TSPAN5: variants seen among roughly 807,000 people sequenced by gnomAD.
TSPAN5 encodes tetraspanin-5.
A neutral mutation model predicts 37.1 loss-of-function variants in TSPAN5; 10 were observed. That is an observed-to-expected ratio of 0.27 (90% CI 0.17 to 0.46). TSPAN5 has a LOEUF of 0.46. Among genes scored for constraint, TSPAN5 ranks in the 20% least tolerant of loss-of-function variants. The probability of loss-of-function intolerance (pLI) is 1.00; values close to 1 mark genes in which losing one functional copy is unlikely to be tolerated. For synonymous variants in TSPAN5, 110 were observed against 118.9 expected, an observed-to-expected ratio of 0.93 and a Z score of 0.48; for missense variants, 195 against 326.6, an observed-to-expected ratio of 0.60 and a Z score of 3.11.
chr4:98,560,954 A>T (rs1433079639), intron 1 of TSPAN5, among the ~76,000 whole-genome samples: 1 of 152,214 alleles, frequency 6.6e-6, no homozygotes, highest in African/African-American at 2.4e-5. Flanking sequence ...AACTAACGAT[A>T]ACACAGTTTG....
intron 1 of TSPAN5, among the ~76,000 whole-genome samples, chr4:98,631,033 A>G (rs1169943627): frequency 6.6e-6 from 1 of 152,222 alleles, no homozygotes; most frequent in Non-Finnish European, 1.5e-5. Context: ...TCTGCTTGGC[A>G]AAGAACACAA....
chr4:98,540,540 G>A (rs1471981823), intron 1 of TSPAN5, among the ~76,000 whole-genome samples: 1 of 152,162 alleles, frequency 6.6e-6, no homozygotes, highest in East Asian at 1.9e-4. Context: ...GTTTCGCCAT[G>A]TTGGCCAGGC....
Position 98,471,207 on chromosome 4 carries a change from ATT to A in TSPAN5, c.*1313_*1314del, listed in dbSNP as rs1334540253. The A allele has an allele frequency of 6.6e-6, 1 of 152,176 alleles. No individual in the cohort carries two copies. The allele number at this position is 152,176 out of a possible 1,614,324, so 9.4% of individuals were successfully genotyped here. On this transcript the variant is annotated 3_prime_UTR_variant, in exon 8 of 8. Transcript: ENST00000305798. ...ACTGAAGGAGCTATGGCCATGCACT[ATT>A]TTCTTTTTTTAATAAAAGCAAACTA...
chr4:98,628,286 A>T (rs891190041), intron 1 of TSPAN5, among the ~76,000 whole-genome samples: 3 of 152,174 alleles, frequency 2.0e-5, no homozygotes, highest in Non-Finnish European at 2.9e-5. Context: ...CAGAAAAAAA[A>T]ATTAACTTAC....
intron 2 of TSPAN5, among the ~76,000 whole-genome samples, chr4:98,500,590 T>C (rs4527483): frequency 0.4 from 60,492 of 152,040 alleles, 12,922 homozygotes; most frequent in African/African-American, 0.54. Context: ...CTCTGTGCCT[T>C]GGTTTCCCCA....
chr4:98,630,754 A>G (rs1381656525), intron 1 of TSPAN5, among the ~76,000 whole-genome samples: 1 of 152,202 alleles, frequency 6.6e-6, no homozygotes, highest in Non-Finnish European at 1.5e-5. Flanking sequence ...CTATTTAGAC[A>G]GCTATTTATT....
chr4:98,533,598 T>TGGG (rs1273990432), intron 1 of TSPAN5, among the ~76,000 whole-genome samples: 1 of 131,256 alleles, frequency 7.6e-6, no homozygotes, highest in African/African-American at 2.9e-5. Flanking sequence ...TCGCCCAGGC[T>TGGG]GGGGTGCAGT....
intron 1 of TSPAN5, among the ~76,000 whole-genome samples, chr4:98,628,520 T>A (rs1198210733): frequency 6.6e-6 from 1 of 152,190 alleles, no homozygotes; most frequent in Non-Finnish European, 1.5e-5. Context: ...TCTCATTTTT[T>A]AAATATGAAG....
chr4:98,485,333 C>G (rs1752936773), intron 3 of TSPAN5: 1 of 151,970 alleles, frequency 6.6e-6, no homozygotes, highest in Non-Finnish European at 1.5e-5. Context: ...AGGTTTCTGA[C>G]TAGGTGAAGA....
chr4:98,549,035 T>C (rs1754539778), intron 1 of TSPAN5, among the ~76,000 whole-genome samples: 1 of 152,136 alleles, frequency 6.6e-6, no homozygotes. Flanking sequence ...TGTTTTTAAA[T>C]ATAATAATTC....
At chr4:98,628,778 T>G (rs1756667044) in intron 1 of TSPAN5, among the ~76,000 whole-genome samples, 1 of 152,138 alleles carries the variant, frequency 6.6e-6, no homozygotes, top group Non-Finnish European at 1.5e-5. Flanking sequence ...AAACAAAAAT[T>G]ACTACTCAAC....
At chr4:98,559,890 T>G (rs577299871) in intron 1 of TSPAN5, among the ~76,000 whole-genome samples, 50 of 152,346 alleles carry the variant, frequency 3.3e-4, no homozygotes, top group Non-Finnish European at 6.8e-4. Context: ...ATAAATTGAC[T>G]GACTGTATTG....
At chr4:98,594,246 T>C (rs574668508) in intron 1 of TSPAN5, among the ~76,000 whole-genome samples, 7 of 131,360 alleles carry the variant, frequency 5.3e-5, no homozygotes, top group Non-Finnish European at 9.3e-5. Flanking sequence ...TGTTTGTCTG[T>C]TGTTGGTGTA....
rs11308204 is a variant in TSPAN5 at position 98,613,136 on chromosome 4, CTT to C, written c.81+45008_81+45009del. 9.2e-3 allele frequency among the ~76,000 whole-genome samples: 1,323 copies of C among 143,278 alleles called. 12 individuals are homozygous for C. Among genetic ancestry groups the C allele is most frequent in the African/African-American group, 0.022 (868 of 38,800 alleles). 94.0% of individuals were successfully genotyped at this position (143,278 alleles called of 152,430 possible). A position where few individuals can be genotyped will look rare whatever the true frequency, so the allele number is the denominator to read the frequency against. ...AACACATCTGGGTTGAGGGCAAAAC[CTT>C]TTTTTTTTTTTTTTTAATTCCACGG... is the stretch of plus-strand genomic sequence containing the variant. On this transcript the variant is annotated intron_variant, in intron 1 of 7. Coordinates refer to ENST00000305798, the MANE Select transcript of TSPAN5 (RefSeq NM_005723.4).
chr4:98,529,295 G>A (rs551851319), intron 1 of TSPAN5, among the ~76,000 whole-genome samples: 57 of 152,326 alleles, frequency 3.7e-4, no homozygotes, highest in African/African-American at 1.2e-3. Context: ...ATGTGCCCTC[G>A]AAAATCAATG....
Position 98,470,612 on chromosome 4 carries a change from A to G in TSPAN5, c.*1910T>C, listed in dbSNP as rs1752560325. 1.3e-5 allele frequency: 2 copies of G among 152,212 alleles called. No individual in the cohort carries two copies. The highest frequency in any genetic ancestry group is 2.9e-5 in the Non-Finnish European group (2 of 68,052). 9.4% of individuals were successfully genotyped at this position (152,212 alleles called of 1,614,324 possible). A position where few individuals can be genotyped will look rare whatever the true frequency, so the allele number is the denominator to read the frequency against. On this transcript the variant is annotated 3_prime_UTR_variant, in exon 8 of 8. Coordinates refer to ENST00000305798, the MANE Select transcript of TSPAN5 (RefSeq NM_005723.4). Reference sequence around the variant, plus strand: ...ACTGGAGAGAGCTCGTGTCTTCTCCATGTTGGAAGGACATTACAAAATGGC... The same window carrying G: ...ACTGGAGAGAGCTCGTGTCTTCTCCGTGTTGGAAGGACATTACAAAATGGC...
Position 98,472,207 on chromosome 4 carries a change from T to G in TSPAN5, c.*315A>C. The G allele has an allele frequency of 4.1e-6, 1 of 245,272 alleles. No homozygotes were observed. The highest frequency in any genetic ancestry group is 7.8e-6 in the Non-Finnish European group (1 of 128,552). The allele number at this position is 245,272 out of a possible 1,614,324, so 15.2% of individuals were successfully genotyped here. A position where few individuals can be genotyped will look rare whatever the true frequency, so the allele number is the denominator to read the frequency against. On this transcript the variant is annotated 3_prime_UTR_variant, in exon 8 of 8. Transcript: ENST00000305798. ...ACGGAAGATGAGGACAAGAATGTAT[T>G]TTCTGCACATTCAAGTACATCTGGG...
intron 1 of TSPAN5, among the ~76,000 whole-genome samples, chr4:98,648,579 T>C (rs1757117624): frequency 6.6e-6 from 1 of 152,244 alleles, no homozygotes; most frequent in Admixed American, 6.5e-5. Context: ...ATTTTTCTCA[T>C]TTTGTTTTTA....
intron 5 of TSPAN5, among the ~76,000 whole-genome samples, chr4:98,477,876 T>C (rs1409819109): frequency 1.3e-5 from 2 of 151,782 alleles, no homozygotes; most frequent in Non-Finnish European, 2.9e-5. Context: ...CTCAGGCTGG[T>C]CTTTAACTCC....
Sources: gnomAD v4.1 joint callset for allele counts (sites outside exome capture counted in the v4.1 genomes callset) on GRCh38, gnomAD v4.1.1 for gene constraint, MANE v1.5 for transcripts, NCBI Gene and HGNC (gene_info 2026-07-23, HGNC 2026-07-21) for gene names.